TENM2: variants seen among roughly 807,000 people sequenced by gnomAD.
TENM2 encodes the protein teneurin transmembrane protein 2.
In TENM2, 52 loss-of-function variants were observed where a neutral mutation model predicts 245.2. The ratio of observed to expected loss-of-function variants is 0.21; its 90% confidence interval spans 0.17 to 0.27. The LOEUF is 0.27. Ranked by LOEUF, TENM2 falls within the 10% of genes least tolerant of loss-of-function variation. TENM2 has a pLI of 1.00. For missense variants in TENM2, 3,046 were observed against 3,666.8 expected (o/e 0.83, Z 4.37); for synonymous variants, 1,363 against 1,438.9 (o/e 0.95, Z 1.19).
At chr5:168,251,107 C>T (rs956756286) in intron 27 of TENM2, among the ~76,000 whole-genome samples, 2 of 152,148 alleles carry the variant, frequency 1.3e-5, no homozygotes, top group Non-Finnish European at 2.9e-5. Flanking sequence ...TCCTGCCCCA[C>T]ACAGAATGTC....
intron 2 of TENM2, among the ~76,000 whole-genome samples, chr5:167,705,849 G>T (rs1011599994): frequency 2.0e-5 from 3 of 151,434 alleles, no homozygotes; most frequent in African/African-American, 7.3e-5. Context: ...TTACCATATA[G>T]GTGGTATCAT....
chr5:167,655,632 G>A (rs912870578), intron 2 of TENM2, among the ~76,000 whole-genome samples: 4 of 152,198 alleles, frequency 2.6e-5, no homozygotes, highest in African/African-American at 7.2e-5. Flanking sequence ...AATTTGGGAA[G>A]CATGAAGCTT....
At chr5:168,220,019 TTTC>T (rs1247059536) in intron 23 of TENM2, among the ~76,000 whole-genome samples, 3 of 152,094 alleles carry the variant, frequency 2.0e-5, no homozygotes, top group Non-Finnish European at 2.9e-5. Flanking sequence ...TGGTTCTGAC[TTTC>T]TTCTTTGGGC....
chr5:167,391,771 G>T (rs1313709160), intron 2 of TENM2, among the ~76,000 whole-genome samples: 1 of 152,070 alleles, frequency 6.6e-6, no homozygotes, highest in East Asian at 1.9e-4. Flanking sequence ...AGACAACTAA[G>T]TAGAAAGGCA....
the TENM2 span, among the ~76,000 whole-genome samples, chr5:167,163,191 C>T: frequency 1.1e-3 from 166 of 152,320 alleles, no homozygotes; most frequent in African/African-American, 3.7e-3. Context: ...CAGCCTCAAA[C>T]TCCTGGGCTC....
At chr5:167,868,833 T>A (rs1355099664) in intron 2 of TENM2, among the ~76,000 whole-genome samples, 5 of 152,104 alleles carry the variant, frequency 3.3e-5, no homozygotes, top group African/African-American at 1.2e-4. Flanking sequence ...CTACCTATGG[T>A]ACAGTCATGT....
At chr5:166,980,627 C>G in the TENM2 span, among the ~76,000 whole-genome samples, 1 of 152,044 alleles carries the variant, frequency 6.6e-6, no homozygotes, top group Non-Finnish European at 1.5e-5. Flanking sequence ...ACTGAAGGGC[C>G]AGTGAGTAAA....
chr5:167,076,464 G>A, the TENM2 span, among the ~76,000 whole-genome samples: 1 of 152,076 alleles, frequency 6.6e-6, no homozygotes, highest in Non-Finnish European at 1.5e-5. Context: ...CCATACTTTA[G>A]GGAGAAGTTT....
At chr5:167,000,275 AC>A in the TENM2 span, among the ~76,000 whole-genome samples, 1 of 152,224 alleles carries the variant, frequency 6.6e-6, no homozygotes. Flanking sequence ...CAAGAAAAAA[AC>A]ATTCTATCAA....
the TENM2 span, among the ~76,000 whole-genome samples, chr5:167,255,396 G>T: frequency 1.8e-4 from 28 of 152,114 alleles, no homozygotes; most frequent in African/African-American, 2.6e-4. Flanking sequence ...CTATTTCCAC[G>T]GGGTGATTGC....
intron 2 of TENM2, among the ~76,000 whole-genome samples, chr5:167,807,791 T>G (rs1025270532): frequency 1.3e-5 from 2 of 152,070 alleles, no homozygotes; most frequent in African/African-American, 4.8e-5. Context: ...GAAAACTCCC[T>G]AGAGCAGTGG....
At chr5:167,847,627 C>T (rs893467661) in intron 2 of TENM2, among the ~76,000 whole-genome samples, 3 of 152,194 alleles carry the variant, frequency 2.0e-5, no homozygotes, top group South Asian at 2.1e-4. Flanking sequence ...TGAAAGTTAG[C>T]GCATCTCCAC....
At chr5:168,034,560 C>T (rs1009268469) in intron 5 of TENM2, among the ~76,000 whole-genome samples, 6 of 151,162 alleles carry the variant, frequency 4.0e-5, no homozygotes, top group East Asian at 2.0e-4. Context: ...GTGAGACCCC[C>T]CACCCCCCGC....
chr5:167,462,979 G>A lies in TENM2; in HGVS notation c.502+87506G>A, dbSNP rs190352474. On this transcript the variant is annotated intron_variant, in intron 2 of 28. Coordinates refer to ENST00000518659, the Ensembl canonical transcript of TENM2. Reference sequence around the variant, plus strand: ...CAATGAACTCTATAGTCTTCAATGAGCCAAAAGCATAACAGTTACTAGTTG... The same window carrying A: ...CAATGAACTCTATAGTCTTCAATGAACCAAAAGCATAACAGTTACTAGTTG... Among the ~76,000 whole-genome samples, 10 of 152,084 alleles carry A rather than the reference G, an allele frequency of 6.6e-5. No individual in the cohort carries two copies. The East Asian group carries it at 1.2e-3, about 18-fold the overall frequency.
At chr5:166,992,101 T>G in the TENM2 span, among the ~76,000 whole-genome samples, 1 of 151,724 alleles carries the variant, frequency 6.6e-6, no homozygotes, top group East Asian at 1.9e-4. Context: ...ATTCAATTGT[T>G]ACAACTTTTA....
At chr5:167,728,196 T>A (rs546490377) in intron 2 of TENM2, among the ~76,000 whole-genome samples, 2 of 152,308 alleles carry the variant, frequency 1.3e-5, no homozygotes, top group African/African-American at 4.8e-5. Context: ...GCAAGATTTA[T>A]CTTCAGGTAT....
intron 2 of TENM2, among the ~76,000 whole-genome samples, chr5:167,431,163 A>G (rs184202294): frequency 4.9e-4 from 74 of 152,346 alleles, no homozygotes; most frequent in Non-Finnish European, 2.4e-4. Context: ...TAGTGAGGGC[A>G]TAACATTTAG....
chr5:167,411,878 T>TTGCC (rs1762930053), intron 2 of TENM2, among the ~76,000 whole-genome samples: 1 of 78,800 alleles, frequency 1.3e-5, no homozygotes, highest in South Asian at 4.3e-4. Context: ...TACATTTGTG[T>TTGCC]TGACTGACTG....
At chr5:167,484,368 G>A (rs1767939400) in intron 2 of TENM2, among the ~76,000 whole-genome samples, 1 of 152,084 alleles carries the variant, frequency 6.6e-6, no homozygotes, top group South Asian at 2.1e-4. Flanking sequence ...TCTCACTGAT[G>A]TCTTTATAAA....
Sources: gnomAD v4.1 joint callset for allele counts (sites outside exome capture counted in the v4.1 genomes callset) on GRCh38, gnomAD v4.1.1 for gene constraint, MANE v1.5 for transcripts, NCBI Gene and HGNC (gene_info 2026-07-23, HGNC 2026-07-21) for gene names.